The following CCDC178 variants were observed in gnomAD, a reference collection of about 807,000 sequenced individuals.
The protein encoded by CCDC178 is coiled-coil domain-containing protein 178.
A neutral mutation model predicts 117.4 loss-of-function variants in CCDC178; 126 were observed. That is an observed-to-expected ratio of 1.07 (90% CI 0.93 to 1.24). CCDC178 has a LOEUF of 1.24. Among genes scored for constraint, CCDC178 ranks in the 50% most tolerant of loss-of-function variants. The pLI, the probability that CCDC178 is intolerant of heterozygous loss-of-function variation, is 0.00. For synonymous variants in CCDC178, 283 were observed against 313.4 expected, an observed-to-expected ratio of 0.90 and a Z score of 1.02; for missense variants, 1,030 against 986.9, an observed-to-expected ratio of 1.04 and a Z score of -0.59.
At chr18:33,336,668 A>T (rs2062744264) in intron 9 of CCDC178, among the ~76,000 whole-genome samples, 1 of 152,132 alleles carries the variant, frequency 6.6e-6, no homozygotes, top group South Asian at 2.1e-4. Flanking sequence ...TATCAATCAA[A>T]TTGACCTGAT....
intron 20 of CCDC178, among the ~76,000 whole-genome samples, chr18:33,147,356 A>ATTTTTTTTTTTT (rs575608507): frequency 0.028 from 2,622 of 94,272 alleles, 85 homozygotes; most frequent in African/African-American, 0.053. Flanking sequence ...TGCCTTTTTA[A>ATTTTTTTTTTTT]TTTTTTTTTT....
chr18:33,091,197 T>C (rs890701814), intron 21 of CCDC178, among the ~76,000 whole-genome samples: 1 of 152,230 alleles, frequency 6.6e-6, no homozygotes, highest in African/African-American at 2.4e-5. Context: ...ATGCGTGAAG[T>C]GATTGGACAA....
At chr18:33,440,512 C>T (rs1389235447) in intron 1 of CCDC178, 141 bp downstream of exon 1, 1 of 151,948 alleles carries the variant, frequency 6.6e-6, no homozygotes, top group East Asian at 1.9e-4. Context: ...ACTCTAACTC[C>T]CTCAGGGTGG....
intron 20 of CCDC178, among the ~76,000 whole-genome samples, chr18:33,139,122 T>C (rs2058165829): frequency 6.6e-6 from 1 of 152,318 alleles, no homozygotes. Context: ...GGAGATTCCA[T>C]GCACAAGCTC....
intron 21 of CCDC178, among the ~76,000 whole-genome samples, chr18:32,976,996 G>A (rs1369922793): frequency 1.3e-5 from 2 of 152,050 alleles, no homozygotes; most frequent in African/African-American, 4.8e-5. Context: ...TGTGGGTGGA[G>A]GCTCTGAAGA....
At chr18:33,356,407 A>G in intron 6 of CCDC178, 61 bp from the exon 7 acceptor site, 2 of 1,369,812 alleles carry the variant, frequency 1.5e-6, no homozygotes, top group African/African-American at 1.5e-5. Context: ...AACTGAATAA[A>G]TGTCACTTAA....
At chr18:33,436,490 G>C (rs1015201883) in intron 2 of CCDC178, among the ~76,000 whole-genome samples, 3 of 152,116 alleles carry the variant, frequency 2.0e-5, no homozygotes, top group African/African-American at 7.2e-5. Context: ...GAAAAGACTT[G>C]AACATTTATT....
chr18:33,144,804 A>T (rs541118526), intron 20 of CCDC178, among the ~76,000 whole-genome samples: 2 of 152,340 alleles, frequency 1.3e-5, no homozygotes, highest in African/African-American at 4.8e-5. Context: ...TAATGAAAAG[A>T]CTGAAGGAAG....
intron 21 of CCDC178, among the ~76,000 whole-genome samples, chr18:33,029,001 T>A (rs935353681): frequency 2.0e-5 from 3 of 151,890 alleles, no homozygotes; most frequent in Non-Finnish European, 2.9e-5. Flanking sequence ...ATTTTTTTCT[T>A]GTTTCAGTAC....
intron 14 of CCDC178, among the ~76,000 whole-genome samples, chr18:33,248,142 AATT>A (rs1175607051): frequency 1.4e-4 from 22 of 152,002 alleles, no homozygotes; most frequent in Admixed American, 4.6e-4. Flanking sequence ...GCCAAAAGAA[AATT>A]ATTATCTTCA....
rs398120299 is a variant in CCDC178 at position 33,429,037 on chromosome 18, A to AC, written c.-23+10924dup. ...TAAAAGTTTAAAAGGAAAAAAAAAA[A>AC]CAAGAGAAATATGATTTATAAAAGA... On this transcript the variant is annotated intron_variant, in intron 2 of 22. Coordinates refer to ENST00000383096, the MANE Select transcript of CCDC178 (RefSeq NM_001105528.4). Among the ~76,000 whole-genome samples, 521 of 151,472 alleles carry AC rather than the reference A, an allele frequency of 3.4e-3. 2 individuals carry two copies. Among genetic ancestry groups the AC allele is most frequent in the African/African-American group, 0.012 (502 of 41,372 alleles).
intron 21 of CCDC178, among the ~76,000 whole-genome samples, chr18:33,002,358 A>G (rs2055654094): frequency 6.6e-6 from 1 of 152,182 alleles, no homozygotes; most frequent in Non-Finnish European, 1.5e-5. Flanking sequence ...AATGAAAAAA[A>G]AAACTAGAAA....
chr18:33,024,264 A>G (rs962830717), intron 21 of CCDC178, among the ~76,000 whole-genome samples: 2 of 152,168 alleles, frequency 1.3e-5, no homozygotes, highest in African/African-American at 4.8e-5. Flanking sequence ...AACAACAGAA[A>G]CTATTTTTTT....
chr18:33,182,442 T>A (rs1040942424), intron 20 of CCDC178, among the ~76,000 whole-genome samples: 4 of 151,996 alleles, frequency 2.6e-5, no homozygotes, highest in African/African-American at 9.7e-5. Flanking sequence ...TATCTTTCAA[T>A]ATAACAAATT....
chr18:33,185,106 T>C (rs904792845), intron 20 of CCDC178, among the ~76,000 whole-genome samples: 7 of 151,978 alleles, frequency 4.6e-5, no homozygotes, highest in Admixed American at 4.6e-4. Flanking sequence ...GGGGTGTGAC[T>C]CCTTAGCCCC....
At chr18:33,292,034 A>AAC (rs56674587) in intron 12 of CCDC178, among the ~76,000 whole-genome samples, 6 of 151,428 alleles carry the variant, frequency 4.0e-5, no homozygotes, top group Non-Finnish European at 8.8e-5. Flanking sequence ...AAAAAAAAAA[A>AAC]CCACTAAGAA....
rs111350008 is a variant in CCDC178, at chr18:33,175,488, C to T, written c.2238+36408G>A. 4.9e-3 allele frequency among the ~76,000 whole-genome samples: 743 copies of T among 152,102 alleles called. 4 individuals are homozygous for T. Among genetic ancestry groups the T allele is most frequent in the African/African-American group, 0.017 (692 of 41,492 alleles). On this transcript the variant is annotated intron_variant, in intron 20 of 22. Transcript: ENST00000383096. ...TCCCAGTAGTTGGGACTACAGGTGT[C>T]CCCCTCCATGCCCAACTCTCATTAT... is the stretch of plus-strand genomic sequence containing the variant.
chr18:33,296,388 TAAAC>T (rs1054883475), intron 11 of CCDC178, among the ~76,000 whole-genome samples: 10 of 151,856 alleles, frequency 6.6e-5, no homozygotes, highest in African/African-American at 2.4e-4. Flanking sequence ...CATATAATAA[TAAAC>T]ACACACACAC....
Position 33,418,418 on chromosome 18 carries a change from T to C in CCDC178, c.-22-6308A>G, listed in dbSNP as rs76176086. 6.9e-3 allele frequency among the ~76,000 whole-genome samples: 1,051 copies of C among 152,212 alleles called. 11 individuals carry two copies. Among genetic ancestry groups the C allele is most frequent in the African/African-American group, 0.024 (1,005 of 41,520 alleles). On this transcript the variant is annotated intron_variant, in intron 2 of 22. Transcript: ENST00000383096. ...GGACAAAAGCTGGATTCACTTCCCT[T>C]GAGAACCAGAAAAAGACAAGGATTC...
Sources: allele counts gnomAD v4.1 joint callset (sites outside exome capture counted in the v4.1 genomes callset), GRCh38; gene constraint gnomAD v4.1.1; transcripts MANE v1.5; gene names NCBI Gene and HGNC (gene_info 2026-07-23, HGNC 2026-07-21).